The following DDR2 variants were observed in gnomAD, a reference collection of about 807,000 sequenced individuals.
DDR2 encodes the protein discoidin domain-containing receptor 2.
DDR2 carries 27 observed loss-of-function variants against 94.9 expected under a neutral mutation model. The ratio of observed to expected loss-of-function variants is 0.28; its 90% confidence interval spans 0.21 to 0.39. The LOEUF (loss-of-function observed/expected upper bound fraction) is 0.39. Ranked by LOEUF, DDR2 falls within the 10% of genes least tolerant of loss-of-function variation. The probability of loss-of-function intolerance (pLI) is 1.00; values close to 1 mark genes in which losing one functional copy is unlikely to be tolerated. For missense variants in DDR2, 783 were observed against 1,076.0 expected (o/e 0.73, Z 3.81); for synonymous variants, 382 against 377.2 (o/e 1.01, Z -0.15).
At chr1:162,762,929 C>T (rs1003174545) in intron 9 of DDR2, among the ~76,000 whole-genome samples, 11 of 152,204 alleles carry the variant, frequency 7.2e-5, no homozygotes, top group African/African-American at 1.2e-4. Context: ...CCCCGCCTCC[C>T]GGGATCGAGT....
intron 11 of DDR2, among the ~76,000 whole-genome samples, chr1:162,768,401 A>C (rs1374105314): frequency 6.6e-6 from 1 of 152,206 alleles, no homozygotes; most frequent in East Asian, 1.9e-4. Flanking sequence ...AGGCCACAGG[A>C]ACTCTGAGCT....
intron 2 of DDR2, among the ~76,000 whole-genome samples, chr1:162,663,017 A>G (rs1035765781): frequency 1.3e-5 from 2 of 152,170 alleles, no homozygotes; most frequent in Non-Finnish European, 2.9e-5. Context: ...CAGTGGGGAT[A>G]TGTTTTATTA....
chr1:162,658,096 A>C (rs1658097275), intron 2 of DDR2, among the ~76,000 whole-genome samples: 1 of 152,178 alleles, frequency 6.6e-6, no homozygotes, highest in Non-Finnish European at 1.5e-5. Flanking sequence ...AAAAGCCTGC[A>C]TTTCCAATTA....
At chr1:162,742,681 C>T (rs1055144928) in intron 3 of DDR2, among the ~76,000 whole-genome samples, 1 of 151,528 alleles carries the variant, frequency 6.6e-6, no homozygotes, top group Non-Finnish European at 1.5e-5. Flanking sequence ...CACAAATATC[C>T]AAACTATATC....
chr1:162,774,773 A>G (rs1621246), intron 14 of DDR2, among the ~76,000 whole-genome samples: 145,303 of 152,142 alleles, frequency 0.96, 69,751 homozygotes, highest in East Asian at 1. Flanking sequence ...CCATGACTGC[A>G]AACCCTCCCA....
intron 16 of DDR2, 109 bp downstream of exon 16, chr1:162,776,479 A>G: frequency 1.1e-6 from 1 of 923,286 alleles, no homozygotes; most frequent in Non-Finnish European, 1.7e-6. Context: ...AATAGACTGT[A>G]GTATTTTCTC....
intron 17 of DDR2, 80 bp downstream of exon 17, chr1:162,778,809 G>A (rs753192929): frequency 1.9e-6 from 3 of 1,583,430 alleles, no homozygotes; most frequent in South Asian, 1.1e-5. Context: ...CTTAGCAGGA[G>A]TGGGCCGAGA....
rs771259035 is a variant in DDR2 at position 162,776,324 on chromosome 1, G to A, written c.2237G>A (p.Arg746Gln). ...YSGDYYRIQG[R>Q]AVLPIRWMSW... is the part of the protein sequence containing the mutation. ...GGTGACTATTACCGGATCCAGGGCC[G>A]GGCAGTGCTCCCTATCCGCTGGATG... The change falls in exon 16 of 18, where the codon CGG becomes CAG. Residue 746 changes from arginine to glutamine, a missense_variant. This residue lies in a region of DDR2 where 264 missense variants were observed against 428.2 expected (regional missense o/e 0.62). Transcript: ENST00000367921. 17 of 1,613,892 alleles carry A rather than the reference G, an allele frequency of 1.1e-5. No homozygotes were observed. In the East Asian group the frequency reaches 3.3e-4, roughly 32 times the overall value.
chr1:162,701,144 T>C (rs1660412613), intron 2 of DDR2, among the ~76,000 whole-genome samples: 1 of 152,034 alleles, frequency 6.6e-6, no homozygotes, highest in African/African-American at 2.4e-5. Context: ...TAGCTGACCG[T>C]AGTAGATAGA....
intron 9 of DDR2, among the ~76,000 whole-genome samples, chr1:162,763,388 G>A (rs777908275): frequency 3.4e-5 from 3 of 87,558 alleles, no homozygotes; most frequent in African/African-American, 4.6e-5. Context: ...TAGTAAAGAC[G>A]GGGTTTCACC....
chr1:162,759,835 T>G lies in DDR2; in HGVS notation c.711T>G (p.Ser237=). The G allele has an allele frequency of 6.2e-7, 1 of 1,614,154 alleles. No homozygotes were observed. The highest frequency in any genetic ancestry group is 8.5e-7 in the Non-Finnish European group (1 of 1,180,012). The change falls in exon 8 of 18, where the codon TCT becomes TCG. Residue 237 remains serine, a synonymous_variant. Coordinates refer to ENST00000367921, the MANE Select transcript of DDR2 (RefSeq NM_006182.4). ...TAGGCCAATTGACCGATGGTGTGTC[T>G]GGCCTGGACGATTTCACCCAGACCC... ...EGLGQLTDGV[S]GLDDFTQTHE...
intron 11 of DDR2, among the ~76,000 whole-genome samples, chr1:162,769,623 C>G (rs1664166504): frequency 6.6e-6 from 1 of 152,194 alleles, no homozygotes; most frequent in Non-Finnish European, 1.5e-5. Context: ...CAAATAGTCA[C>G]ATACATGCAA....
chr1:162,754,148 T>C (rs1276820805), intron 4 of DDR2, among the ~76,000 whole-genome samples: 2 of 152,180 alleles, frequency 1.3e-5, no homozygotes, highest in African/African-American at 4.8e-5. Flanking sequence ...CCCATGTGTT[T>C]CTATGGCTCC....
intron 2 of DDR2, among the ~76,000 whole-genome samples, chr1:162,669,347 T>C (rs1658725125): frequency 6.6e-6 from 1 of 152,266 alleles, no homozygotes; most frequent in Non-Finnish European, 1.5e-5. Flanking sequence ...ATGGCTGTTA[T>C]GCTTCTGAAG....
At chr1:162,683,860 G>T (rs1297431965) in intron 2 of DDR2, among the ~76,000 whole-genome samples, 1 of 151,756 alleles carries the variant, frequency 6.6e-6, no homozygotes, top group African/African-American at 2.4e-5. Flanking sequence ...CAGCAACGTT[G>T]TTTTTTTTAA....
At chr1:162,719,424 A>G (rs1661313236) in intron 3 of DDR2, among the ~76,000 whole-genome samples, 1 of 152,216 alleles carries the variant, frequency 6.6e-6, no homozygotes, top group African/African-American at 2.4e-5. Flanking sequence ...GGCAGAAGCA[A>G]CCATTTGCTT....
intron 7 of DDR2, among the ~76,000 whole-genome samples, chr1:162,758,663 A>G (rs184715048): frequency 6.6e-6 from 1 of 152,344 alleles, no homozygotes; most frequent in East Asian, 1.9e-4. Context: ...GTCAAATTTT[A>G]TAATTTACCA....
intron 3 of DDR2, among the ~76,000 whole-genome samples, chr1:162,732,430 T>C (rs555514570): frequency 2.1e-3 from 320 of 152,316 alleles, no homozygotes; most frequent in African/African-American, 7.1e-3. Context: ...AGCCTAGGGT[T>C]GGAGGAGGAA....
Position 162,759,935 on chromosome 1 carries a change from A to G in DDR2, c.811A>G (p.Ile271Val), listed in dbSNP as rs764251006. 6.2e-7 allele frequency: 1 copy of G among 1,614,132 alleles called. No individual in the cohort carries two copies. Reference sequence around the variant, plus strand: ...GAGTGCCACCAATGGCTACATTGAGATCATGTTTGAATTTGACCGCATCAG... The same window carrying G: ...GAGTGCCACCAATGGCTACATTGAGGTCATGTTTGAATTTGACCGCATCAG... The part of the protein sequence containing the change: ...NESATNGYIE[I>V]MFEFDRIRNF... Residue 271 changes from isoleucine to valine, a missense_variant, in exon 8 of 18, where the codon ATC becomes GTC. Transcript: ENST00000367921.
Sources: gnomAD v4.1 joint callset for allele counts (sites outside exome capture counted in the v4.1 genomes callset) on GRCh38, gnomAD v4.1.1 for gene constraint, gnomAD v4.1.1 regional missense constraint, MANE v1.5 for transcripts, NCBI Gene and HGNC (gene_info 2026-07-23, HGNC 2026-07-21) for gene names.